Variants in MPP2 observed in about 807,000 individuals in gnomAD.
The protein encoded by MPP2 is MAGUK p55 subfamily member 2.
Under a neutral mutation model 58.5 loss-of-function variants are expected in MPP2, and 42 were observed. The ratio of observed to expected loss-of-function variants is 0.72; its 90% CI spans 0.56 to 0.93. The LOEUF (loss-of-function observed/expected upper bound fraction) is 0.93, where lower values mean the gene tolerates loss of function less well. Ranked by LOEUF, MPP2 falls within the 40% of genes least tolerant of loss-of-function variation. MPP2 has a pLI of 0.00. For missense variants in MPP2, 632 were observed against 760.4 expected, an observed-to-expected ratio of 0.83 and a Z score of 1.99; for synonymous variants, 300 against 307.8, an observed-to-expected ratio of 0.97 and a Z score of 0.26.
At chr17:43,900,410 C>T in intron 2 of MPP2, 1 of 1,530,816 alleles carries the variant, frequency 6.5e-7, no homozygotes, top group Non-Finnish European at 8.8e-7. Context: ...CCCGACTCTG[C>T]TGGAGGAAGG....
chr17:43,905,586 T>G (rs1231921836), intron 1 of MPP2: 1 of 152,282 alleles, frequency 6.6e-6, no homozygotes. Context: ...CCTGGGCATG[T>G]GCTGCTGGAT....
chr17:43,877,575 A>C lies in MPP2; in HGVS notation c.*232T>G. On this transcript the variant is annotated 3_prime_UTR_variant, in exon 13 of 13. Transcript: ENST00000269095. ...GGCCCTCAGAGATATCTGGTGACCA[A>C]TGGGCATCAGGAGTGGGCAGCACCT... The C allele has an allele frequency of 1.8e-6, 1 of 546,686 alleles. No homozygotes were observed. The highest frequency in any genetic ancestry group is 3.3e-6 in the Non-Finnish European group (1 of 303,484). The allele number at this position is 546,686 out of a possible 1,614,324, so 33.9% of individuals were successfully genotyped here.
chr17:43,903,716 GGCAGCAACA>G (rs1474295146), intron 2 of MPP2, among the ~76,000 whole-genome samples: 2 of 152,150 alleles, frequency 1.3e-5, no homozygotes, highest in Admixed American at 1.3e-4. Flanking sequence ...TGGTGGCAGC[GGCAGCAACA>G]GCAGCATAAT....
chr17:43,882,572 A>C, intron 5 of MPP2, 61 bp from the exon 6 acceptor site: 1 of 1,508,676 alleles, frequency 6.6e-7, no homozygotes. Flanking sequence ...ATCTTCAAAT[A>C]GTCTCCTAAT....
chr17:43,880,613 C>T lies in MPP2; in HGVS notation c.1150+78G>A. 1 of 1,477,082 alleles carries T rather than the reference C, an allele frequency of 6.8e-7. No homozygotes were observed. Among genetic ancestry groups the T allele is most frequent in the Non-Finnish European group, 9.1e-7 (1 of 1,103,514 alleles). 91.5% of individuals were successfully genotyped at this position (1,477,082 alleles called of 1,614,324 possible). A position where few individuals can be genotyped will look rare whatever the true frequency, so the allele number is the denominator to read the frequency against. On this transcript the variant is annotated intron_variant, in intron 10 of 12. Transcript: ENST00000269095. This position sits in a 1 kb window ranked among gnomAD's most constrained non-coding sequence, Gnocchi z 5.2. Reference sequence around the variant, plus strand: ...CTGGCCTGGTGCCCATGAAGATGCCCATTCGGTGGGCCCAGCCCTGGCCCC... The same window carrying T: ...CTGGCCTGGTGCCCATGAAGATGCCTATTCGGTGGGCCCAGCCCTGGCCCC...
chr17:43,906,505 G>C (rs1332179153), intron 1 of MPP2, among the ~76,000 whole-genome samples: 1 of 152,068 alleles, frequency 6.6e-6, no homozygotes, highest in East Asian at 1.9e-4. Flanking sequence ...AGCAGTGAAA[G>C]GGAGAGGTTT....
intron 1 of MPP2, among the ~76,000 whole-genome samples, chr17:43,904,946 C>T (rs534876683): frequency 6.6e-5 from 10 of 152,216 alleles, no homozygotes; most frequent in African/African-American, 2.2e-4. Flanking sequence ...GAGGCTGAGG[C>T]AGGAGAATCA....
intron 3 of MPP2, among the ~76,000 whole-genome samples, chr17:43,896,109 C>T (rs1027921531): frequency 2.0e-5 from 3 of 152,094 alleles, no homozygotes; most frequent in Non-Finnish European, 4.4e-5. Context: ...TGACAGAGTC[C>T]CCGCTCTACA....
chr17:43,879,457 C>A lies in MPP2; in HGVS notation c.1354-54G>T, dbSNP rs931417614. The A allele has an allele frequency of 1.2e-6, 2 of 1,603,404 alleles. No homozygotes were observed. The highest frequency in any genetic ancestry group is 1.1e-5 in the South Asian group (1 of 90,092). ...TATATCCCCATGTCTGTCCTAGGAACCAGAGAAAGGCTGTGAGGGTAACTG... is the reference window on the plus strand; with the variant it reads ...TATATCCCCATGTCTGTCCTAGGAAACAGAGAAAGGCTGTGAGGGTAACTG... On this transcript the variant is annotated intron_variant, in intron 11 of 12. Transcript: ENST00000269095. This position sits in a 1 kb window ranked among gnomAD's most constrained non-coding sequence, Gnocchi z 4.1.
At chr17:43,887,919 TGG>T in intron 3 of MPP2, among the ~76,000 whole-genome samples, 1 of 152,286 alleles carries the variant, frequency 6.6e-6, no homozygotes, top group East Asian at 1.9e-4. Context: ...CAATCTATTA[TGG>T]CTGAGATGTA....
chr17:43,908,004 A>C, upstream of MPP2: 1 of 983,864 alleles, frequency 1.0e-6, no homozygotes, highest in Non-Finnish European at 1.2e-6. Context: ...CCTCGGGATC[A>C]GGGGCAGCTT....
chr17:43,904,002 T>C (rs2048195192), intron 2 of MPP2, among the ~76,000 whole-genome samples: 1 of 152,168 alleles, frequency 6.6e-6, no homozygotes, highest in Admixed American at 6.5e-5. Context: ...CATGCTGGCC[T>C]AGTGGGCAGC....
chr17:43,879,539 A>C lies in MPP2; in HGVS notation c.1354-136T>G, dbSNP rs977948810. ...AAAAGGGTGCCCGGGGGTCTGGGACATGAGTCCTGGGACAAATGACAAACA... is the reference window on the plus strand; with the variant it reads ...AAAAGGGTGCCCGGGGGTCTGGGACCTGAGTCCTGGGACAAATGACAAACA... On this transcript the variant is annotated intron_variant, in intron 11 of 12. Coordinates refer to ENST00000269095, the MANE Select transcript of MPP2 (RefSeq NM_005374.5). The surrounding 1 kb of genome is among the most constrained non-coding windows in gnomAD (Gnocchi z 4.1). 8.6e-7 allele frequency: 1 copy of C among 1,167,116 alleles called. No homozygotes were observed. Among genetic ancestry groups the C allele is most frequent in the African/African-American group, 1.5e-5 (1 of 65,392 alleles). The allele number at this position is 1,167,116 out of a possible 1,614,324, so 72.3% of individuals were successfully genotyped here.
At position 43,881,363 on chromosome 17, in the gene MPP2, G is replaced by A. The variant is rs766998382; in HGVS notation, c.814-14C>T. 1 of 1,614,032 alleles carries A rather than the reference G, an allele frequency of 6.2e-7. No individual in the cohort carries two copies. Among genetic ancestry groups the A allele is most frequent in the African/African-American group, 1.3e-5 (1 of 74,930 alleles). On this transcript the variant is annotated splice_polypyrimidine_tract_variant and intron_variant, in intron 7 of 12. Coordinates refer to ENST00000269095, the MANE Select transcript of MPP2 (RefSeq NM_005374.5). ...GACATGGCATGCCTAAAACGGACAT[G>A]AGACCAAGATCTGCCTGAGCAAGAG...
rs2143476157 is a variant in MPP2, at chr17:43,876,465, T to C, written c.*1342A>G. 1 of 152,102 alleles carries C rather than the reference T, an allele frequency of 6.6e-6. No homozygotes were observed. The highest frequency in any genetic ancestry group is 1.9e-4 in the East Asian group (1 of 5,168). 9.4% of individuals were successfully genotyped at this position (152,102 alleles called of 1,614,324 possible). ...CTCCCCAAGTTATGGCAGGGGGGCA[T>C]TTAGGGTAGGGGGACAATAAGACAA... On this transcript the variant is annotated 3_prime_UTR_variant, in exon 13 of 13. Coordinates refer to ENST00000269095, the MANE Select transcript of MPP2 (RefSeq NM_005374.5).
At chr17:43,882,167 C>T in intron 6 of MPP2, 117 bp downstream of exon 6, 1 of 1,007,224 alleles carries the variant, frequency 9.9e-7, no homozygotes. Context: ...CTGCAGGTCC[C>T]ACCCCCATCT....
In MPP2 at chr17:43,879,430, A is replaced by T; in HGVS notation, c.1354-27T>A. 6.2e-7 allele frequency: 1 copy of T among 1,613,028 alleles called. No individual in the cohort carries two copies. Among genetic ancestry groups the T allele is most frequent in the Non-Finnish European group, 8.5e-7 (1 of 1,179,300 alleles). On this transcript the variant is annotated intron_variant, in intron 11 of 12. Coordinates refer to ENST00000269095, the MANE Select transcript of MPP2 (RefSeq NM_005374.5). This position sits in a 1 kb window ranked among gnomAD's most constrained non-coding sequence, Gnocchi z 4.1. ...TGCAGAAGGAGAAGGCAAGGTAGGG[A>T]GTATATCCCCATGTCTGTCCTAGGA...
chr17:43,905,083 A>C (rs2048237104), intron 1 of MPP2, among the ~76,000 whole-genome samples: 1 of 119,886 alleles, frequency 8.3e-6, no homozygotes, highest in Non-Finnish European at 1.7e-5. Context: ...GGGCTGAGGC[A>C]GGGGGATCTC....
chr17:43,885,127 A>C (rs989446767), intron 3 of MPP2, among the ~76,000 whole-genome samples: 6 of 151,688 alleles, frequency 4.0e-5, no homozygotes, highest in African/African-American at 1.5e-4. Context: ...CAGCTCAAAA[A>C]AAAAAAAAAA....
Sources: allele counts gnomAD v4.1 joint callset (sites outside exome capture counted in the v4.1 genomes callset), GRCh38; gene constraint gnomAD v4.1.1; non-coding constraint Gnocchi (gnomAD v3.1); transcripts MANE v1.5; gene names NCBI Gene and HGNC (gene_info 2026-07-23, HGNC 2026-07-21).